The following DTD1 variants were observed in gnomAD, a reference collection of about 807,000 sequenced individuals.
The protein encoded by DTD1 is D-aminoacyl-tRNA deacylase 1, also known as D-tyrosyl-tRNA deacylase 1 homolog.
In DTD1, 13 loss-of-function variants were observed where a neutral mutation model predicts 25.6. The ratio of observed to expected loss-of-function variants is 0.51; its 90% CI spans 0.33 to 0.81. The LOEUF is 0.81. DTD1 is among the 30% of genes least tolerant of loss of function. The pLI, the probability that DTD1 is intolerant of heterozygous loss-of-function variation, is 0.02. For missense variants in DTD1, 193 were observed against 266.4 expected, an observed-to-expected ratio of 0.72 and a Z score of 1.92; for synonymous variants, 110 against 103.6, an observed-to-expected ratio of 1.06 and a Z score of -0.37.
chr20:18,706,900 A>C (rs966764329), intron 4 of DTD1, among the ~76,000 whole-genome samples: 2 of 152,172 alleles, frequency 1.3e-5, no homozygotes, highest in Non-Finnish European at 2.9e-5. Flanking sequence ...ATTTTAATTG[A>C]ATGTTTCGGA....
intron 3 of DTD1, among the ~76,000 whole-genome samples, chr20:18,615,520 G>A (rs1302487487): frequency 3.9e-5 from 6 of 152,138 alleles, no homozygotes; most frequent in Non-Finnish European, 5.9e-5. Context: ...GGCATTGAAC[G>A]CTGTCCAAGT....
At chr20:18,638,105 A>G (rs1600336202) in intron 4 of DTD1, among the ~76,000 whole-genome samples, 1 of 152,144 alleles carries the variant, frequency 6.6e-6, no homozygotes, top group Admixed American at 6.5e-5. Flanking sequence ...GCTCATGCTC[A>G]TTTGTTTGTT....
intron 4 of DTD1, among the ~76,000 whole-genome samples, chr20:18,712,312 G>A (rs1024962995): frequency 1.4e-5 from 2 of 144,614 alleles, no homozygotes; most frequent in Admixed American, 1.5e-4. Context: ...ATAAACATTA[G>A]CAATTGTGTT....
chr20:18,689,117 C>T (rs1381809882), intron 4 of DTD1, among the ~76,000 whole-genome samples: 3 of 152,128 alleles, frequency 2.0e-5, no homozygotes, highest in Non-Finnish European at 2.9e-5. Context: ...TCCACGGCCC[C>T]GTTTTTCCAT....
intron 4 of DTD1, among the ~76,000 whole-genome samples, chr20:18,714,927 T>C (rs550721792): frequency 2.4e-4 from 37 of 152,226 alleles, no homozygotes; most frequent in African/African-American, 8.4e-4. Flanking sequence ...ATGACATTGG[T>C]GATATGAACG....
intron 4 of DTD1, among the ~76,000 whole-genome samples, chr20:18,711,370 C>T (rs979855067): frequency 2.6e-5 from 4 of 152,174 alleles, no homozygotes; most frequent in African/African-American, 9.6e-5. Context: ...CCAGCCTCTG[C>T]CTTGGTTTCC....
At chr20:18,729,153 GCCA>G (rs1600394063) in intron 4 of DTD1, among the ~76,000 whole-genome samples, 1 of 152,206 alleles carries the variant, frequency 6.6e-6, no homozygotes, top group East Asian at 1.9e-4. Context: ...ACAGGCATGT[GCCA>G]CCACGTCTGG....
chr20:18,632,367 C>T (rs902892100), intron 4 of DTD1: 14 of 985,332 alleles, frequency 1.4e-5, no homozygotes, highest in East Asian at 1.1e-4. Flanking sequence ...CATTGCACTG[C>T]GCTCTGCCCC....
intron 4 of DTD1, among the ~76,000 whole-genome samples, chr20:18,660,879 C>T (rs749970745): frequency 2.0e-5 from 3 of 152,188 alleles, no homozygotes; most frequent in Non-Finnish European, 4.4e-5. Context: ...ACCCCTCACC[C>T]GGTTTCTCCT....
chr20:18,721,361 G>A (rs540193477), intron 4 of DTD1, among the ~76,000 whole-genome samples: 1 of 152,210 alleles, frequency 6.6e-6, no homozygotes, highest in South Asian at 2.1e-4. Context: ...TTAATGTAGT[G>A]ATTAATTTTC....
At chr20:18,625,922 C>A (rs911621406) in intron 3 of DTD1, among the ~76,000 whole-genome samples, 16 of 152,238 alleles carry the variant, frequency 1.1e-4, no homozygotes, top group African/African-American at 3.4e-4. Flanking sequence ...TGGCTGAGGT[C>A]CAGCCCATTC....
At chr20:18,631,628 T>G (rs537064785) in intron 4 of DTD1, 2 of 985,340 alleles carry the variant, frequency 2.0e-6, no homozygotes, top group Non-Finnish European at 2.4e-6. Flanking sequence ...TCATGCCCAT[T>G]TTTCAGAACA....
In DTD1 at chr20:18,593,326, T is replaced by C. The variant is rs999092455; in HGVS notation, c.44-405T>C. Reference sequence around the variant, plus strand: ...TACTGTGTTACCATATTTTTTGATATTCTGCAAAAGGCAGGAATCTCTTTT... The same window carrying C: ...TACTGTGTTACCATATTTTTTGATACTCTGCAAAAGGCAGGAATCTCTTTT... On this transcript the variant is annotated intron_variant, in intron 1 of 5. Transcript: ENST00000377452. 2.0e-5 allele frequency among the ~76,000 whole-genome samples: 3 copies of C among 152,232 alleles called. No individual in the cohort carries two copies. In the East Asian group the frequency reaches 5.8e-4, roughly 29 times the overall value.
intron 4 of DTD1, among the ~76,000 whole-genome samples, chr20:18,661,658 A>G (rs1196982527): frequency 6.6e-6 from 1 of 152,174 alleles, no homozygotes; most frequent in Admixed American, 6.5e-5. Flanking sequence ...GGCGTGAGCC[A>G]CTGCACCCAG....
chr20:18,591,232 C>T lies in DTD1; in HGVS notation c.44-2499C>T, dbSNP rs183308975. Among the ~76,000 whole-genome samples, 8 of 152,280 alleles carry T rather than the reference C, an allele frequency of 5.3e-5. No individual in the cohort carries two copies. The East Asian group carries it at 1.5e-3, about 29-fold the overall frequency. On this transcript the variant is annotated intron_variant, in intron 1 of 5. Transcript: ENST00000377452. Reference sequence around the variant, plus strand: ...CAGCAGTCTCTGTGTCATATATAGACTTTGGGCCATAATTTGTTTCATGTT... The same window carrying T: ...CAGCAGTCTCTGTGTCATATATAGATTTTGGGCCATAATTTGTTTCATGTT...
At position 18,720,111 on chromosome 20, in the gene DTD1, A is replaced by G. The variant is rs181185879; in HGVS notation, c.478-23989A>G. 8.7e-4 allele frequency among the ~76,000 whole-genome samples: 132 copies of G among 152,336 alleles called. 2 individuals are homozygous for G. Among genetic ancestry groups the G allele is most frequent in the Admixed American group, 8.5e-3 (130 of 15,308 alleles). ...CATCAGAGTTTCTTCTGGGATTTGC[A>G]TGAAGACCATGGCTGGTTTGTAAAG... On this transcript the variant is annotated intron_variant, in intron 4 of 5. Transcript: ENST00000377452.
At chr20:18,652,894 T>G (rs1447353038) in intron 4 of DTD1, among the ~76,000 whole-genome samples, 1 of 152,176 alleles carries the variant, frequency 6.6e-6, no homozygotes, top group Non-Finnish European at 1.5e-5. Flanking sequence ...TAGAACAGAA[T>G]GATGGATGCT....
chr20:18,619,402 T>C (rs532431794), intron 3 of DTD1, among the ~76,000 whole-genome samples: 1 of 152,264 alleles, frequency 6.6e-6, no homozygotes, highest in Non-Finnish European at 1.5e-5. Context: ...AATTTGGCTA[T>C]TTTTGCCTCT....
chr20:18,616,444 C>G (rs2060709278), intron 3 of DTD1, among the ~76,000 whole-genome samples: 1 of 152,074 alleles, frequency 6.6e-6, no homozygotes. Flanking sequence ...GAACAGCAAC[C>G]TGATCTTGCC....
Sources: gnomAD v4.1 joint callset for allele counts (sites outside exome capture counted in the v4.1 genomes callset) on GRCh38, gnomAD v4.1.1 for gene constraint, MANE v1.5 for transcripts, NCBI Gene and HGNC (gene_info 2026-07-23, HGNC 2026-07-21) for gene names.